SLC4A10: variants seen among roughly 807,000 people sequenced by gnomAD.
SLC4A10 encodes solute carrier family 4 member 10, also known as sodium-driven chloride bicarbonate exchanger.
Under a neutral mutation model 137.7 loss-of-function variants are expected in SLC4A10, and 42 were observed. That is an observed-to-expected ratio of 0.30 (90% CI 0.24 to 0.39). SLC4A10 has a LOEUF of 0.39. Ranked by LOEUF, SLC4A10 falls within the 10% of genes least tolerant of loss-of-function variation. SLC4A10 has a pLI of 1.00. For synonymous variants in SLC4A10, 474 were observed against 464.1 expected (o/e 1.02, Z -0.27); for missense variants, 925 against 1,355.0 (o/e 0.68, Z 4.98).
chr2:161,747,575 A>C (rs143310507), intron 1 of SLC4A10, among the ~76,000 whole-genome samples: 4 of 152,228 alleles, frequency 2.6e-5, no homozygotes, highest in African/African-American at 9.6e-5. Flanking sequence ...CAGTTGTTCA[A>C]CTTGGTGTTC....
At chr2:161,638,258 G>T (rs2034743538) in intron 1 of SLC4A10, among the ~76,000 whole-genome samples, 1 of 152,070 alleles carries the variant, frequency 6.6e-6, no homozygotes, top group South Asian at 2.1e-4. Flanking sequence ...TAGTTTTATA[G>T]TTTCAGGTCT....
At chr2:161,886,675 T>G (rs1385949486) in intron 10 of SLC4A10, among the ~76,000 whole-genome samples, 2 of 152,176 alleles carry the variant, frequency 1.3e-5, no homozygotes, top group African/African-American at 4.8e-5. Context: ...GAGATTTTTT[T>G]TAATTGAAAG....
chr2:161,650,313 T>A (rs1042739789), intron 1 of SLC4A10, among the ~76,000 whole-genome samples: 1 of 152,244 alleles, frequency 6.6e-6, no homozygotes, highest in Non-Finnish European at 1.5e-5. Context: ...GTGAGGCGTC[T>A]TTTTTCATTA....
At chr2:161,735,132 A>C (rs1299834669) in intron 1 of SLC4A10, among the ~76,000 whole-genome samples, 2 of 149,012 alleles carry the variant, frequency 1.3e-5, no homozygotes, top group African/African-American at 2.4e-5. Context: ...AGTAGTATGA[A>C]AAAATATATA....
Position 161,639,655 on chromosome 2 carries a change from G to A in SLC4A10, c.48+15089G>A, listed in dbSNP as rs189982271. ...TAAAGGCCATATATGGCAAACACAC[G>A]GTTAACATCATACTTGAATGGGGAA... On this transcript the variant is annotated intron_variant, in intron 1 of 26. Transcript: ENST00000446997. 8.5e-4 allele frequency among the ~76,000 whole-genome samples: 129 copies of A among 152,150 alleles called. 1 individual carries two copies. Among genetic ancestry groups the A allele is most frequent in the Non-Finnish European group, 1.5e-3 (101 of 67,970 alleles).
intron 2 of SLC4A10, among the ~76,000 whole-genome samples, chr2:161,776,935 A>T (rs948336804): frequency 1.4e-4 from 21 of 149,894 alleles, no homozygotes; most frequent in African/African-American, 5.2e-4. Context: ...ATCTCACTGT[A>T]GTTTTGATTT....
intron 2 of SLC4A10, among the ~76,000 whole-genome samples, chr2:161,776,058 T>G (rs1049854715): frequency 6.6e-6 from 1 of 151,952 alleles, no homozygotes; most frequent in Non-Finnish European, 1.5e-5. Context: ...TAGCATAAGA[T>G]TTACTATCTT....
At position 161,879,133 on chromosome 2, in the gene SLC4A10, T is replaced by A. The variant is rs780756863; in HGVS notation, c.951T>A (p.Val317=). 1 of 1,612,718 alleles carries A rather than the reference T, an allele frequency of 6.2e-7. No individual in the cohort carries two copies. The highest frequency in any genetic ancestry group is 8.5e-7 in the Non-Finnish European group (1 of 1,179,182). The change falls in exon 9 of 27, where the codon GTT becomes GTA. Residue 317 remains valine, a splice_region_variant and synonymous_variant. Coordinates refer to ENST00000446997, the MANE Select transcript of SLC4A10 (RefSeq NM_001178015.2). ...TATTTACCTGGTGATGCTTGCAGGT[T>A]GATCTGCATTTTATGAAAAAGATTC... is the stretch of plus-strand genomic sequence containing the variant. ...KGPPHQQERE[V]DLHFMKKIPP... is the part of the protein sequence containing the mutation.
intron 1 of SLC4A10, among the ~76,000 whole-genome samples, chr2:161,646,342 A>G (rs2036025860): frequency 1.3e-5 from 2 of 152,020 alleles, no homozygotes; most frequent in African/African-American, 4.8e-5. Context: ...CTTCAATTTT[A>G]GGAACTGAAA....
chr2:161,950,654 T>C, intron 18 of SLC4A10, 33 bp from the exon 19 acceptor site: 1 of 1,558,372 alleles, frequency 6.4e-7, no homozygotes, highest in Admixed American at 1.9e-5. Flanking sequence ...ATTAATCCAG[T>C]TCATAACTAT....
chr2:161,831,452 G>C (rs1353890186), intron 3 of SLC4A10, among the ~76,000 whole-genome samples: 1 of 151,684 alleles, frequency 6.6e-6, no homozygotes, highest in South Asian at 2.1e-4. Context: ...TATGACTAAG[G>C]CTTCCTCATC....
chr2:161,790,011 T>A (rs1326753957), intron 2 of SLC4A10, among the ~76,000 whole-genome samples: 4 of 152,242 alleles, frequency 2.6e-5, no homozygotes, highest in Non-Finnish European at 5.9e-5. Context: ...GAAACTAAGG[T>A]ACAGAAGATT....
chr2:161,804,954 T>G (rs2055776337), intron 3 of SLC4A10, among the ~76,000 whole-genome samples: 1 of 152,170 alleles, frequency 6.6e-6, no homozygotes, highest in African/African-American at 2.4e-5. Context: ...TGCCCAAGTT[T>G]CAGTCTTAGG....
intron 7 of SLC4A10, among the ~76,000 whole-genome samples, chr2:161,872,728 G>A (rs2061210820): frequency 6.6e-6 from 1 of 152,098 alleles, no homozygotes; most frequent in Non-Finnish European, 1.5e-5. Flanking sequence ...TTGTTTGTTT[G>A]TTTGAGGCAG....
At chr2:161,844,405 CA>C (rs566349087) in intron 4 of SLC4A10, among the ~76,000 whole-genome samples, 7 of 152,062 alleles carry the variant, frequency 4.6e-5, no homozygotes, top group Non-Finnish European at 1.0e-4. Context: ...GGATGTATAT[CA>C]TTTCCCCTTA....
chr2:161,683,908 A>G (rs1193636205), intron 1 of SLC4A10, among the ~76,000 whole-genome samples: 1 of 152,146 alleles, frequency 6.6e-6, no homozygotes, highest in Non-Finnish European at 1.5e-5. Flanking sequence ...TACCATTATA[A>G]ACATTTTTGA....
intron 1 of SLC4A10, among the ~76,000 whole-genome samples, chr2:161,766,131 A>G (rs746758605): frequency 6.6e-6 from 1 of 152,104 alleles, no homozygotes; most frequent in Non-Finnish European, 1.5e-5. Context: ...AAAATGAGAC[A>G]CTTACATTGA....
intron 4 of SLC4A10, among the ~76,000 whole-genome samples, chr2:161,851,222 G>A (rs947072699): frequency 6.6e-6 from 1 of 152,130 alleles, no homozygotes. Flanking sequence ...ATGTCTGTTA[G>A]GTTCATTTGG....
rs1035100298 is a variant in SLC4A10, at chr2:161,624,457, C to T, written c.-62C>T. 6.5e-7 allele frequency: 1 copy of T among 1,550,314 alleles called. No homozygotes were observed. The highest frequency in any genetic ancestry group is 2.4e-5 in the East Asian group (1 of 40,874). ...AATACTAAGCAGAGCGAGTGCCGGGCTGAGTGTAAGACACTGAAGACACTG... is the reference window on the plus strand; with the variant it reads ...AATACTAAGCAGAGCGAGTGCCGGGTTGAGTGTAAGACACTGAAGACACTG... On this transcript the variant is annotated 5_prime_UTR_variant, in exon 1 of 27. Transcript: ENST00000446997.
Sources: allele counts gnomAD v4.1 joint callset (sites outside exome capture counted in the v4.1 genomes callset), GRCh38; gene constraint gnomAD v4.1.1; transcripts MANE v1.5; gene names NCBI Gene and HGNC (gene_info 2026-07-23, HGNC 2026-07-21).